MAP4K3: variants seen among roughly 807,000 people sequenced by gnomAD.
The protein encoded by MAP4K3 is MAPK/ERK kinase kinase kinase 3.
A neutral mutation model predicts 143.5 loss-of-function variants in MAP4K3; 94 were observed. The ratio of observed to expected loss-of-function variants is 0.65; its 90% CI spans 0.55 to 0.78. The LOEUF is 0.78. MAP4K3 is among the 30% of genes least tolerant of loss of function. The pLI is 0.00. For missense variants in MAP4K3, 1,077 were observed against 1,068.1 expected (o/e 1.01, Z -0.12); for synonymous variants, 416 against 347.2 (o/e 1.20, Z -2.20).
intron 13 of MAP4K3, among the ~76,000 whole-genome samples, chr2:39,314,639 G>A (rs1301686339): frequency 1.3e-5 from 2 of 152,150 alleles, no homozygotes; most frequent in Non-Finnish European, 2.9e-5. Context: ...GAATAAAAAA[G>A]TTAAGGCACT....
chr2:39,432,769 T>G (rs1156564087), intron 1 of MAP4K3, among the ~76,000 whole-genome samples: 1 of 152,248 alleles, frequency 6.6e-6, no homozygotes, highest in African/African-American at 2.4e-5. Context: ...TTCCTTATTT[T>G]ACTGCCCAAT....
intron 3 of MAP4K3, among the ~76,000 whole-genome samples, chr2:39,347,393 A>G (rs557098685): frequency 6.6e-6 from 1 of 152,338 alleles, no homozygotes; most frequent in East Asian, 1.9e-4. Context: ...TTCATGTTAA[A>G]TGCCAGCCTA....
intron 1 of MAP4K3, among the ~76,000 whole-genome samples, chr2:39,386,120 G>T (rs1490103469): frequency 6.6e-6 from 1 of 152,072 alleles, no homozygotes; most frequent in Non-Finnish European, 1.5e-5. Context: ...AAGTTATATG[G>T]GTTGGCCCTA....
intron 3 of MAP4K3, among the ~76,000 whole-genome samples, chr2:39,351,632 C>T (rs1013197589): frequency 3.9e-5 from 6 of 152,160 alleles, no homozygotes; most frequent in Non-Finnish European, 7.4e-5. Context: ...GTAAAGTATG[C>T]TCATCTAAAC....
At chr2:39,352,895 G>C (rs1260571280) in intron 3 of MAP4K3, among the ~76,000 whole-genome samples, 1 of 151,920 alleles carries the variant, frequency 6.6e-6, no homozygotes, top group African/African-American at 2.4e-5. Flanking sequence ...TGTTATACAG[G>C]TTGTAATAGC....
chr2:39,375,307 C>T (rs1031859073), intron 2 of MAP4K3, among the ~76,000 whole-genome samples: 1 of 152,132 alleles, frequency 6.6e-6, no homozygotes, highest in East Asian at 1.9e-4. Flanking sequence ...TAACACCACT[C>T]GTGAAGTAGT....
At chr2:39,261,273 C>G (rs539536379) in intron 28 of MAP4K3, among the ~76,000 whole-genome samples, 6 of 152,268 alleles carry the variant, frequency 3.9e-5, no homozygotes, top group African/African-American at 1.4e-4. Context: ...CTTCATATCT[C>G]AAGTGATTTT....
intron 1 of MAP4K3, among the ~76,000 whole-genome samples, chr2:39,405,636 G>C (rs1343541119): frequency 2.0e-5 from 3 of 152,308 alleles, no homozygotes; most frequent in East Asian, 3.9e-4. Context: ...GAGAGGCTGA[G>C]ACAGGAAGAC....
chr2:39,373,859 A>G (rs933509182), intron 2 of MAP4K3, among the ~76,000 whole-genome samples: 10 of 152,224 alleles, frequency 6.6e-5, no homozygotes, highest in Non-Finnish European at 1.0e-4. Flanking sequence ...AAAATTAGAA[A>G]GAATGAATAA....
intron 1 of MAP4K3, among the ~76,000 whole-genome samples, chr2:39,390,572 G>C (rs1471922004): frequency 2.0e-5 from 3 of 152,140 alleles, no homozygotes; most frequent in African/African-American, 7.2e-5. Flanking sequence ...TGGGGTTTAA[G>C]AGACTCCCAT....
At chr2:39,299,704 T>C in intron 16 of MAP4K3, 39 bp downstream of exon 16, 1 of 1,173,452 alleles carries the variant, frequency 8.5e-7, no homozygotes, top group Non-Finnish European at 1.2e-6. Flanking sequence ...ACTTAATAAT[T>C]CTTGAATTTA....
chr2:39,413,305 G>A (rs1428358580), intron 1 of MAP4K3, among the ~76,000 whole-genome samples: 2 of 152,148 alleles, frequency 1.3e-5, no homozygotes, highest in Non-Finnish European at 2.9e-5. Context: ...TTAAGGAACT[G>A]AATCACACAC....
intron 1 of MAP4K3, among the ~76,000 whole-genome samples, chr2:39,421,716 C>G (rs1363491989): frequency 6.6e-6 from 1 of 152,110 alleles, no homozygotes; most frequent in Non-Finnish European, 1.5e-5. Flanking sequence ...ATCTAATGTT[C>G]TCTATTATTC....
Position 39,267,416 on chromosome 2 carries a change from T to G in MAP4K3, c.1974-169A>C, listed in dbSNP as rs372642440. The G allele has an allele frequency of 1.5e-4, 91 of 596,004 alleles. No individual in the cohort carries two copies. In the East Asian group the frequency reaches 2.6e-3, roughly 17 times the overall value. The allele number at this position is 596,004 out of a possible 1,614,324, so 36.9% of individuals were successfully genotyped here. ...GCCGGGTGCCATGGCACGTTGCCTG[T>G]AATCCCAGCACTTTGGGAGGCCGAG... On this transcript the variant is annotated intron_variant, in intron 26 of 33. Transcript: ENST00000263881.
rs138406035 is a variant in MAP4K3, at chr2:39,407,053, A to G, written c.97-28930T>C. 6.0e-3 allele frequency among the ~76,000 whole-genome samples: 920 copies of G among 152,316 alleles called. 10 individuals carry two copies. Among genetic ancestry groups the G allele is most frequent in the African/African-American group, 0.021 (883 of 41,584 alleles). ...TCATGATCAAGTGGTATTTATCCTA[A>G]GAATACAAGGTTTAGTATTAGAAAA... is the stretch of plus-strand genomic sequence containing the variant. On this transcript the variant is annotated intron_variant, in intron 1 of 33. Coordinates refer to ENST00000263881, the MANE Select transcript of MAP4K3 (RefSeq NM_003618.4).
At position 39,328,963 on chromosome 2, in the gene MAP4K3, G is replaced by A. The variant is rs533859502; in HGVS notation, c.531-2686C>T. Among the ~76,000 whole-genome samples, 49 of 152,266 alleles carry A rather than the reference G, an allele frequency of 3.2e-4. No homozygotes were observed. In the East Asian group the frequency reaches 8.5e-3, roughly 26 times the overall value. On this transcript the variant is annotated intron_variant, in intron 8 of 33. Coordinates refer to ENST00000263881, the MANE Select transcript of MAP4K3 (RefSeq NM_003618.4). ...TTTTTCGAACAACTGAATAACTGCC[G>A]ATCTAATCACTTGGGAAGAGAGAGG...
Position 39,436,588 on chromosome 2 carries a change from G to A in MAP4K3, c.96+304C>T, listed in dbSNP as rs982090194. On this transcript the variant is annotated intron_variant, in intron 1 of 33. Transcript: ENST00000263881. Reference sequence around the variant, plus strand: ...CGCAACAAACGCCCAGACCTTCTCTGCACTATGGATGAGCAGTGTGGCCTG... The same window carrying A: ...CGCAACAAACGCCCAGACCTTCTCTACACTATGGATGAGCAGTGTGGCCTG... The A allele has an allele frequency of 1.0e-5, 4 of 394,160 alleles. No homozygotes were observed. In the Admixed American group the frequency reaches 1.7e-4, roughly 17 times the overall value. The allele number at this position is 394,160 out of a possible 1,614,324, so 24.4% of individuals were successfully genotyped here. A position where few individuals can be genotyped will look rare whatever the true frequency, so the allele number is the denominator to read the frequency against.
intron 12 of MAP4K3, among the ~76,000 whole-genome samples, chr2:39,322,067 A>C (rs1478575232): frequency 6.6e-6 from 1 of 151,870 alleles, no homozygotes; most frequent in African/African-American, 2.4e-5. Context: ...TTCTTTTCCA[A>C]GTCTCTCCTT....
At chr2:39,371,511 T>A (rs930158864) in intron 2 of MAP4K3, among the ~76,000 whole-genome samples, 2 of 152,148 alleles carry the variant, frequency 1.3e-5, no homozygotes, top group African/African-American at 2.4e-5. Context: ...AAATCTGATA[T>A]ACACAATGCT....
Sources: gnomAD v4.1 joint callset for allele counts (sites outside exome capture counted in the v4.1 genomes callset) on GRCh38, gnomAD v4.1.1 for gene constraint, MANE v1.5 for transcripts, NCBI Gene and HGNC (gene_info 2026-07-23, HGNC 2026-07-21) for gene names.